The following CDKN2A variants were observed in gnomAD, a reference collection of about 807,000 sequenced individuals.
The protein encoded by CDKN2A is cyclin-dependent kinase inhibitor 2A.
Under a neutral mutation model 11.1 loss-of-function variants are expected in CDKN2A, and 3 were observed. That is an observed-to-expected ratio of 0.27 (90% confidence interval 0.12 to 0.70). CDKN2A has a LOEUF of 0.70. CDKN2A is among the 30% of genes least tolerant of loss of function. CDKN2A has a pLI of 0.77. For synonymous variants in CDKN2A, 122 were observed against 108.1 expected, an observed-to-expected ratio of 1.13 and a Z score of -0.80; for missense variants, 265 against 233.6, an observed-to-expected ratio of 1.13 and a Z score of -0.88.
rs587780668 is a variant in CDKN2A, at chr9:21,974,795, A to AGGCTCCATGCTGCTCCCCGCCGCC, written c.9_32dup (p.Ala4_Pro11dup). The AGGCTCCATGCTGCTCCCCGCCGCC allele has an allele frequency of 3.1e-5, 49 of 1,606,474 alleles. No individual in the cohort carries two copies. The highest frequency in any genetic ancestry group is 6.7e-5 in the Admixed American group (4 of 59,888). On this transcript the variant is annotated inframe_insertion, in exon 1 of 3. Transcript: ENST00000304494. This position sits in a 1 kb window ranked among gnomAD's most constrained non-coding sequence, Gnocchi z 5.2. Reference sequence around the variant, plus strand: ...CGGCCGTGGCCAGCCAGTCAGCCGAAGGCTCCATGCTGCTCCCCGCCGCCG... The same window carrying AGGCTCCATGCTGCTCCCCGCCGCC: ...CGGCCGTGGCCAGCCAGTCAGCCGAAGGCTCCATGCTGCTCCCCGCCGCCGGCTCCATGCTGCTCCCCGCCGCCG...
At chr9:21,973,391 A>T (rs924583347) in intron 1 of CDKN2A, among the ~76,000 whole-genome samples, 1 of 152,260 alleles carries the variant, frequency 6.6e-6, no homozygotes, top group African/African-American at 2.4e-5. Flanking sequence ...CTAAGCCAAC[A>T]TCATTTCCCC....
upstream of CDKN2A, among the ~76,000 whole-genome samples, chr9:21,975,562 C>T (rs3731238): frequency 0.018 from 2,787 of 152,272 alleles, 44 homozygotes; most frequent in Middle Eastern, 0.054. Context: ...ACTGCTCTCT[C>T]CTTCCCCTCC....
chr9:21,968,125 A>T lies in CDKN2A; in HGVS notation c.*104T>A. 1 of 988,014 alleles carries T rather than the reference A, an allele frequency of 1.0e-6. No homozygotes were observed. The highest frequency in any genetic ancestry group is 1.6e-6 in the Non-Finnish European group (1 of 608,960). The allele number at this position is 988,014 out of a possible 1,614,324, so 61.2% of individuals were successfully genotyped here. ...AAGCTCTATTTTCTAAATGAAAACT[A>T]CGAAAGCGGGGTGGGTTGTGGCGGG... On this transcript the variant is annotated 3_prime_UTR_variant, in exon 3 of 3. Transcript: ENST00000304494. This position sits in a 1 kb window ranked among gnomAD's most constrained non-coding sequence, Gnocchi z 4.7.
chr9:21,993,141 T>C (rs985888054), intron 2 of CDKN2A, among the ~76,000 whole-genome samples: 58 of 152,246 alleles, frequency 3.8e-4, no homozygotes, highest in African/African-American at 1.4e-3. Flanking sequence ...TTTTTGAAGC[T>C]ATATATTCCT....
upstream of CDKN2A, among the ~76,000 whole-genome samples, chr9:21,975,495 G>T (rs1204138226): frequency 6.6e-6 from 1 of 151,446 alleles, no homozygotes; most frequent in Non-Finnish European, 1.5e-5. Flanking sequence ...ATTTTCAGGA[G>T]CGCGGGGTTC....
chr9:21,979,092 T>A (rs964660329), upstream of CDKN2A, among the ~76,000 whole-genome samples: 1 of 152,140 alleles, frequency 6.6e-6, no homozygotes, highest in Non-Finnish European at 1.5e-5. Context: ...TGAGAGCTGA[T>A]CCCAGTCTTG....
At chr9:21,994,084 C>T (rs1384131642) in intron 1 of CDKN2A, 4 of 1,562,350 alleles carry the variant, frequency 2.6e-6, no homozygotes, top group Non-Finnish European at 1.7e-6. Flanking sequence ...TACGAAATCA[C>T]ACCAAACAAA....
exon 2 of CDKN2A, chr9:21,993,934 A>AGG (rs1820511998): frequency 4.7e-6 from 3 of 637,206 alleles, no homozygotes. Context: ...CCCACGATTG[A>AGG]GGGGCTGTGT....
rs1819514798 is a variant in CDKN2A, at chr9:21,968,387, C to T, written c.458-145G>A. ...CAATGGCTTCACGTGCATGTACCCG[C>T]CGCCACCGCTCTCCCACACCTCCCT... On this transcript the variant is annotated intron_variant, in intron 2 of 2. Transcript: ENST00000304494. The surrounding 1 kb of genome is among the most constrained non-coding windows in gnomAD (Gnocchi z 4.7). The T allele has an allele frequency of 4.6e-6, 7 of 1,513,812 alleles. No homozygotes were observed. The highest frequency in any genetic ancestry group is 2.4e-5 in the East Asian group (1 of 40,874). 93.8% of individuals were successfully genotyped at this position (1,513,812 alleles called of 1,614,324 possible). A position where few individuals can be genotyped will look rare whatever the true frequency, so the allele number is the denominator to read the frequency against.
intron 2 of CDKN2A, among the ~76,000 whole-genome samples, chr9:21,984,046 A>G (rs1820251454): frequency 6.6e-6 from 1 of 151,992 alleles, no homozygotes; most frequent in Non-Finnish European, 1.5e-5. Context: ...CTCTCAATAA[A>G]TGGTGCTTTT....
intron 2 of CDKN2A, chr9:21,970,628 T>C: frequency 1.7e-6 from 1 of 603,224 alleles, no homozygotes; most frequent in Non-Finnish European, 2.9e-6. Context: ...GGCCTTGAAC[T>C]AGCAGAGGGT....
rs190670626 is a variant in CDKN2A at position 21,969,657 on chromosome 9, T to G, written c.457+1245A>C. 1.2e-3 allele frequency: 467 copies of G among 394,986 alleles called. 2 individuals are homozygous for G. The highest frequency in any genetic ancestry group is 8.8e-3 in the African/African-American group (428 of 48,528). The allele number at this position is 394,986 out of a possible 1,614,324, so 24.5% of individuals were successfully genotyped here. On this transcript the variant is annotated intron_variant, in intron 2 of 2. Coordinates refer to ENST00000304494, the MANE Select transcript of CDKN2A (RefSeq NM_000077.5). ...CAGTAGTTTTACTCCCTCTCCCACT[T>G]GGCTCCTCAGGCTTTTTGCTCAGCC...
rs974829865 is a variant in CDKN2A, at chr9:21,968,549, T to C, written c.458-307A>G. 4.8e-6 allele frequency: 7 copies of C among 1,456,804 alleles called. No individual in the cohort carries two copies. The highest frequency in any genetic ancestry group is 4.3e-5 in the African/African-American group (3 of 70,324). 90.2% of individuals were successfully genotyped at this position (1,456,804 alleles called of 1,614,324 possible). The stretch of plus-strand genomic sequence containing the variant: ...GGTTGCAAGAAGAAAACGAGTGTTA[T>C]ATAATGAGTCTCAGTGGTTGCTCAC... On this transcript the variant is annotated intron_variant, in intron 2 of 2. Transcript: ENST00000304494. The surrounding 1 kb of genome is among the most constrained non-coding windows in gnomAD (Gnocchi z 4.7).
chr9:21,972,414 CAGAG>C (rs1287354437), intron 1 of CDKN2A, among the ~76,000 whole-genome samples: 1 of 152,124 alleles, frequency 6.6e-6, no homozygotes, highest in East Asian at 1.9e-4. Context: ...GGGTCACAGT[CAGAG>C]AGAAGATACA....
Position 21,994,260 on chromosome 9 carries a change from C to G in CDKN2A, c.-175-207G>C, listed in dbSNP as rs2131148725. 6.2e-7 allele frequency: 1 copy of G among 1,605,680 alleles called. No individual in the cohort carries two copies. Among genetic ancestry groups the G allele is most frequent in the Non-Finnish European group, 8.5e-7 (1 of 1,177,582 alleles). On this transcript the variant is annotated intron_variant, in intron 1 of 3. Coordinates refer to the CDKN2A transcript ENST00000494262. ...CCCCCGTGAGCCGCGGGATGTGAAC[C>G]ACGAAAACCCTCACTCGCGGCGGGC...
intron 2 of CDKN2A, among the ~76,000 whole-genome samples, chr9:21,981,499 G>C (rs942321039): frequency 6.6e-6 from 1 of 152,004 alleles, no homozygotes; most frequent in Non-Finnish European, 1.5e-5. Flanking sequence ...GGGTGCAATA[G>C]ATAATTATTT....
rs1819490775 is a variant in CDKN2A at position 21,967,955 on chromosome 9, C to G, written c.*274G>C. The stretch of plus-strand genomic sequence containing the variant: ...TGCGCTTAGGGCGTGAGTGCTCACT[C>G]CAGAAAACTCCAACACAGTGAAAAG... On this transcript the variant is annotated 3_prime_UTR_variant, in exon 3 of 3. Coordinates refer to ENST00000304494, the MANE Select transcript of CDKN2A (RefSeq NM_000077.5). 1 of 485,430 alleles carries G rather than the reference C, an allele frequency of 2.1e-6. No homozygotes were observed. Among genetic ancestry groups the G allele is most frequent in the Non-Finnish European group, 3.7e-6 (1 of 271,458 alleles). The allele number at this position is 485,430 out of a possible 1,614,324, so 30.1% of individuals were successfully genotyped here.
intron 1 of CDKN2A, among the ~76,000 whole-genome samples, chr9:21,972,811 GCATGGTGGA>G (rs1042185133): frequency 1.3e-5 from 2 of 152,170 alleles, no homozygotes; most frequent in Admixed American, 6.5e-5. Context: ...TTTGAGTGCT[GCATGGTGGA>G]AGTAGACAAT....
intron 1 of CDKN2A, among the ~76,000 whole-genome samples, chr9:21,973,140 C>T (rs1172265228): frequency 6.6e-6 from 1 of 151,880 alleles, no homozygotes; most frequent in Admixed American, 6.6e-5. Flanking sequence ...ATAAAACTAG[C>T]CTTAAAGGTT....
Sources: allele counts gnomAD v4.1 joint callset (sites outside exome capture counted in the v4.1 genomes callset), GRCh38; gene constraint gnomAD v4.1.1; non-coding constraint Gnocchi (gnomAD v3.1); transcripts MANE v1.5; gene names NCBI Gene and HGNC (gene_info 2026-07-23, HGNC 2026-07-21).